The following SEC11C variants were observed in gnomAD, a reference collection of about 807,000 sequenced individuals.
The protein encoded by SEC11C is SEC11 homolog C, signal peptidase complex subunit.
Under a neutral mutation model 21.9 loss-of-function variants are expected in SEC11C, and 10 were observed. That is an observed-to-expected ratio of 0.46 (90% CI 0.28 to 0.77). The LOEUF (loss-of-function observed/expected upper bound fraction) is 0.77. Among genes scored for constraint, SEC11C ranks in the 30% least tolerant of loss-of-function variants. The probability of loss-of-function intolerance (pLI) is 0.12; values close to 1 mark genes in which losing one functional copy is unlikely to be tolerated. For synonymous variants in SEC11C, 83 were observed against 85.6 expected (o/e 0.97, Z 0.17); for missense variants, 145 against 244.5 (o/e 0.59, Z 2.71).
At chr18:59,145,695 C>G (rs1278871149) in intron 1 of SEC11C, among the ~76,000 whole-genome samples, 1 of 152,176 alleles carries the variant, frequency 6.6e-6, no homozygotes, top group Non-Finnish European at 1.5e-5. Context: ...ACCAGGTGAC[C>G]AGATGTGCAT....
intron 1 of SEC11C, chr18:59,147,699 G>C (rs2069293068): frequency 6.6e-6 from 1 of 151,834 alleles, no homozygotes. Flanking sequence ...AAATCAGTTT[G>C]ATTGGGTAGA....
Position 59,149,507 on chromosome 18 carries a change from T to C in SEC11C, c.88-6T>C, listed in dbSNP as rs752762955. On this transcript the variant is annotated splice_region_variant and splice_polypyrimidine_tract_variant and intron_variant, in intron 1 of 5. Transcript: ENST00000587834. Reference sequence around the variant, plus strand: ...TTTCATCGTGGTTTCCTCTTTTTCATTCCAGCTCTATTACCAGGTTTTAAA... The same window carrying C: ...TTTCATCGTGGTTTCCTCTTTTTCACTCCAGCTCTATTACCAGGTTTTAAA... 1 of 1,588,302 alleles carries C rather than the reference T, an allele frequency of 6.3e-7. No homozygotes were observed. Among genetic ancestry groups the C allele is most frequent in the Non-Finnish European group, 8.6e-7 (1 of 1,157,740 alleles).
At chr18:59,146,191 C>T (rs1175326420) in intron 1 of SEC11C, among the ~76,000 whole-genome samples, 1 of 152,102 alleles carries the variant, frequency 6.6e-6, no homozygotes, top group East Asian at 1.9e-4. Context: ...GAGACCTGGA[C>T]AAACTCCAGA....
chr18:59,151,677 T>G (rs528489828), intron 2 of SEC11C, among the ~76,000 whole-genome samples: 1 of 152,276 alleles, frequency 6.6e-6, no homozygotes, highest in Admixed American at 6.5e-5. Context: ...TGGTTTTCTT[T>G]GTTTCCACTA....
At chr18:59,146,267 A>C (rs543230563) in intron 1 of SEC11C, among the ~76,000 whole-genome samples, 1 of 152,236 alleles carries the variant, frequency 6.6e-6, no homozygotes, top group African/African-American at 2.4e-5. Context: ...GCAGGGTGAT[A>C]ATAATGTCAT....
At chr18:59,150,942 G>A (rs1333098901) in intron 2 of SEC11C, among the ~76,000 whole-genome samples, 1 of 151,774 alleles carries the variant, frequency 6.6e-6, no homozygotes, top group Non-Finnish European at 1.5e-5. Context: ...AAGGTAGTGT[G>A]AAATTGCTGC....
intron 3 of SEC11C, among the ~76,000 whole-genome samples, chr18:59,154,729 A>G (rs1568067365): frequency 2.0e-5 from 3 of 152,208 alleles, no homozygotes; most frequent in Non-Finnish European, 4.4e-5. Context: ...TCTAGGATCA[A>G]GTTTATGTCT....
chr18:59,144,807 G>A (rs1034732533), intron 1 of SEC11C, among the ~76,000 whole-genome samples: 1 of 149,618 alleles, frequency 6.7e-6, no homozygotes, highest in Non-Finnish European at 1.5e-5. Context: ...CAGGATTATT[G>A]GTTTGAACAT....
At chr18:59,148,135 T>C (rs1377040292) in intron 1 of SEC11C, 1 of 152,244 alleles carries the variant, frequency 6.6e-6, no homozygotes, top group Non-Finnish European at 1.5e-5. Flanking sequence ...GGCCCAGGAA[T>C]TGAGACAGCA....
intron 2 of SEC11C, 99 bp downstream of exon 2, chr18:59,149,721 C>A: frequency 1.7e-6 from 1 of 583,438 alleles, no homozygotes; most frequent in Admixed American, 2.6e-5. Flanking sequence ...TGCGTGACAG[C>A]TAAAATTCAA....
chr18:59,149,098 G>A (rs771486535), intron 1 of SEC11C, among the ~76,000 whole-genome samples: 1 of 152,206 alleles, frequency 6.6e-6, no homozygotes, highest in Non-Finnish European at 1.5e-5. Flanking sequence ...GGTAGTTCTA[G>A]GTGAATCCAC....
intron 1 of SEC11C, among the ~76,000 whole-genome samples, chr18:59,141,126 T>G (rs2069205083): frequency 6.8e-6 from 1 of 147,170 alleles, no homozygotes; most frequent in Non-Finnish European, 1.5e-5. Flanking sequence ...AGCTTACTCC[T>G]TTAGGCATAC....
chr18:59,142,567 TAG>T (rs1480819745), intron 1 of SEC11C, among the ~76,000 whole-genome samples: 1 of 152,226 alleles, frequency 6.6e-6, no homozygotes. Flanking sequence ...GCTTCTGCTT[TAG>T]AGTGACGTGA....
chr18:59,148,037 C>T (rs62095623), intron 1 of SEC11C: 49,639 of 152,108 alleles, frequency 0.33, 8,976 homozygotes, highest in African/African-American at 0.49. Context: ...CAGAGACCCA[C>T]GTGGGGATAG....
intron 1 of SEC11C, among the ~76,000 whole-genome samples, chr18:59,141,991 G>C (rs193051443): frequency 6.6e-5 from 10 of 152,310 alleles, no homozygotes; most frequent in African/African-American, 2.2e-4. Context: ...AGCATTAAGT[G>C]CTGAGCATAC....
intron 4 of SEC11C, 107 bp from the exon 5 acceptor site, chr18:59,157,501 C>T (rs2069431504): frequency 3.7e-6 from 3 of 809,702 alleles, no homozygotes; most frequent in South Asian, 2.8e-5. Context: ...CAGTGGCATT[C>T]CCTCGTACAA....
At chr18:59,152,863 A>G (rs1568066726) in intron 3 of SEC11C, 178 bp downstream of exon 3, 1 of 493,754 alleles carries the variant, frequency 2.0e-6, no homozygotes, top group Non-Finnish European at 3.5e-6. Flanking sequence ...AGTTAAACCC[A>G]TAGTAACTCA....
intron 4 of SEC11C, 30 bp from the exon 5 acceptor site, chr18:59,157,578 A>G (rs781231096): frequency 5.3e-6 from 8 of 1,504,772 alleles, no homozygotes; most frequent in Non-Finnish European, 6.5e-6. Flanking sequence ...AGCAGCTTTT[A>G]TATCTCTTGC....
intron 2 of SEC11C, among the ~76,000 whole-genome samples, chr18:59,150,928 A>G (rs1412094189): frequency 6.6e-6 from 1 of 151,960 alleles, no homozygotes; most frequent in Non-Finnish European, 1.5e-5. Flanking sequence ...ACACTTGCAC[A>G]CAGAAGGTAG....
Sources: allele counts gnomAD v4.1 joint callset (sites outside exome capture counted in the v4.1 genomes callset), GRCh38; gene constraint gnomAD v4.1.1; transcripts MANE v1.5; gene names NCBI Gene and HGNC (gene_info 2026-07-23, HGNC 2026-07-21).